The following NPR2 variants were observed in gnomAD, a reference collection of about 807,000 sequenced individuals.
NPR2 encodes the protein atrial natriuretic peptide receptor 2.
A neutral mutation model predicts 120.7 loss-of-function variants in NPR2; 49 were observed. The observed-to-expected ratio is 0.41, with a 90% CI of 0.32 to 0.52. The LOEUF (loss-of-function observed/expected upper bound fraction) is 0.52. Among genes scored for constraint, NPR2 ranks in the 20% least tolerant of loss-of-function variants. The probability of loss-of-function intolerance (pLI) is 0.36; values close to 1 mark genes in which losing one functional copy is unlikely to be tolerated. For missense variants in NPR2, 931 were observed against 1,362.9 expected (o/e 0.68, Z 4.99); for synonymous variants, 484 against 519.8 (o/e 0.93, Z 0.94).
chr9:35,799,948 A>G (rs1828081879), intron 3 of NPR2, 74 bp from the exon 4 acceptor site: 1 of 1,601,294 alleles, frequency 6.2e-7, no homozygotes, highest in African/African-American at 1.3e-5. Context: ...GAATAGGTAG[A>G]AGGGAGACCC....
rs5818 is a variant in NPR2, at chr9:35,809,238, G to A, written c.3069G>A (p.Val1023=). The A allele has an allele frequency of 6.2e-7, 1 of 1,613,962 alleles. No individual in the cohort carries two copies. Among genetic ancestry groups the A allele is most frequent in the Non-Finnish European group, 8.5e-7 (1 of 1,179,960 alleles). ...GCFQLELRGD[V]EMKGKGKMRT... ...TCCAGCTAGAGCTTCGGGGGGATGT[G>A]GAAATGAAGGTGATGGCAGGCCATG... Residue 1023 remains valine (V), a synonymous_variant, in exon 21 of 22, where the codon GTG becomes GTA. Transcript: ENST00000342694. This position sits in a 1 kb window ranked among gnomAD's most constrained non-coding sequence, Gnocchi z 4.1.
At position 35,793,892 on chromosome 9, in the gene NPR2, T is replaced by A; in HGVS notation, c.668-6T>A. The A allele has an allele frequency of 6.2e-7, 1 of 1,614,160 alleles. No homozygotes were observed. Among genetic ancestry groups the A allele is most frequent in the Non-Finnish European group, 8.5e-7 (1 of 1,180,000 alleles). ...GGGTGCTCCTCTGTCATGTACCTGC[T>A]CCCAGTTGTGTATATCTGCGGCCCT... On this transcript the variant is annotated splice_region_variant and splice_polypyrimidine_tract_variant and intron_variant, in intron 1 of 21. Transcript: ENST00000342694.
rs1341542355 is a variant in NPR2 at position 35,791,614 on chromosome 9, G to T, written c.-795G>T. Among the ~76,000 whole-genome samples the T allele has an allele frequency of 2.6e-4, 37 of 143,298 alleles. No individual in the cohort carries two copies. Among genetic ancestry groups the T allele is most frequent in the Admixed American group, 1.3e-3 (19 of 14,612 alleles). The allele number at this position is 143,298 out of a possible 152,430, so 94.0% of individuals were successfully genotyped here. ...GGGGGAGTCGCACTCGGCCGCCGGCGCAGCGAGCGGAGACGGGCCGGGCCG... is the reference window on the plus strand; with the variant it reads ...GGGGGAGTCGCACTCGGCCGCCGGCTCAGCGAGCGGAGACGGGCCGGGCCG... On this transcript the variant is annotated 5_prime_UTR_variant, in exon 1 of 22. Transcript: ENST00000342694.
At position 35,808,227 on chromosome 9, in the gene NPR2, G is replaced by T. The variant is rs1157680251; in HGVS notation, c.2713-282G>T. On this transcript the variant is annotated intron_variant, in intron 18 of 21. Transcript: ENST00000342694. The surrounding 1 kb of genome is among the most constrained non-coding windows in gnomAD (Gnocchi z 4.0). ...TTTTCTTGCTTCCCATTTCCTGATGGCAGAGCCTATTTGTCCATGTCCTGC... is the reference window on the plus strand; with the variant it reads ...TTTTCTTGCTTCCCATTTCCTGATGTCAGAGCCTATTTGTCCATGTCCTGC... The T allele has an allele frequency of 1.2e-6, 2 of 1,614,016 alleles. No homozygotes were observed. The highest frequency in any genetic ancestry group is 2.7e-5 in the African/African-American group (2 of 74,906).
chr9:35,809,281 A>AGGG lies in NPR2; in HGVS notation c.3078+35_3078+37dup, dbSNP rs752500692. The AGGG allele has an allele frequency of 1.2e-6, 2 of 1,611,152 alleles. No individual in the cohort carries two copies. The highest frequency in any genetic ancestry group is 4.5e-5 in the East Asian group (2 of 44,884). On this transcript the variant is annotated intron_variant, in intron 21 of 21. Coordinates refer to ENST00000342694, the MANE Select transcript of NPR2 (RefSeq NM_003995.4). This position sits in a 1 kb window ranked among gnomAD's most constrained non-coding sequence, Gnocchi z 4.1. ...AGGCCATGGGGAGGGGGGCATGGAA[A>AGGG]GGGAGGGTGAAAGTGATTATGGGAA... is the stretch of plus-strand genomic sequence containing the variant.
Position 35,808,875 on chromosome 9 carries a change from C to A in NPR2, c.2986+22C>A. On this transcript the variant is annotated intron_variant, in intron 20 of 21. Coordinates refer to ENST00000342694, the MANE Select transcript of NPR2 (RefSeq NM_003995.4). This position sits in a 1 kb window ranked among gnomAD's most constrained non-coding sequence, Gnocchi z 4.0. Reference sequence around the variant, plus strand: ...CAAGGTAAGACATTAGCCCTCAACCCCACTGTTGGCCTCAATTTATCTTGC... The same window carrying A: ...CAAGGTAAGACATTAGCCCTCAACCACACTGTTGGCCTCAATTTATCTTGC... 1 of 1,344,414 alleles carries A rather than the reference C, an allele frequency of 7.4e-7. No homozygotes were observed. The highest frequency in any genetic ancestry group is 1.1e-6 in the Non-Finnish European group (1 of 933,644). The allele number at this position is 1,344,414 out of a possible 1,614,324, so 83.3% of individuals were successfully genotyped here. A position where few individuals can be genotyped will look rare whatever the true frequency, so the allele number is the denominator to read the frequency against.
rs758997503 is a variant in NPR2 at position 35,794,034 on chromosome 9, T to C, written c.804T>C (p.Arg268=). The change falls in exon 2 of 22, where the codon CGT becomes CGC. Residue 268 remains arginine (R), a synonymous_variant. Transcript: ENST00000342694. The part of the protein sequence containing the change: ...FGESLRAGPT[R]ATGRPWQDNR... The stretch of plus-strand genomic sequence containing the variant: ...AGAGTCTCCGTGCAGGCCCCACACG[T>C]GCTACAGGCCGGCCCTGGCAGGACA... 4 of 1,614,184 alleles carry C rather than the reference T, an allele frequency of 2.5e-6. No homozygotes were observed. The Admixed American group carries it at 6.7e-5, about 27-fold the overall frequency.
intron 18 of NPR2, 133 bp downstream of exon 18, chr9:35,807,531 G>C: frequency 1.3e-6 from 1 of 781,640 alleles, no homozygotes; most frequent in East Asian, 2.4e-5. Flanking sequence ...GCATCCTGGT[G>C]CTGGAGTGTA....
rs1415553956 is a variant in NPR2, at chr9:35,805,835, C to T, written c.2053C>T (p.Leu685=). ...DDSHALYAKK[L]WTAPELLSGN... The stretch of plus-strand genomic sequence containing the variant: ...AGCCGGTTTCCTCTTTTCAGAGAAG[C>T]TGTGGACTGCCCCAGAACTGCTCAG... The change falls in exon 14 of 22, where the codon CTG becomes TTG. Residue 685 remains leucine, a synonymous_variant. Coordinates refer to ENST00000342694, the MANE Select transcript of NPR2 (RefSeq NM_003995.4). This position sits in a 1 kb window ranked among gnomAD's most constrained non-coding sequence, Gnocchi z 4.9. 1 of 1,614,134 alleles carries T rather than the reference C, an allele frequency of 6.2e-7. No individual in the cohort carries two copies. Among genetic ancestry groups the T allele is most frequent in the East Asian group, 2.2e-5 (1 of 44,888 alleles).
intron 12 of NPR2, among the ~76,000 whole-genome samples, chr9:35,803,817 T>C (rs538079674): frequency 6.6e-6 from 1 of 152,248 alleles, no homozygotes; most frequent in East Asian, 1.9e-4. Context: ...AAGTATTTTT[T>C]TGTGTGTGAA....
In NPR2 at chr9:35,806,231, C is replaced by T; in HGVS notation, c.2370C>T (p.Asn790=). The T allele has an allele frequency of 6.2e-7, 1 of 1,614,138 alleles. No individual in the cohort carries two copies. The highest frequency in any genetic ancestry group is 8.5e-7 in the Non-Finnish European group (1 of 1,180,038). Residue 790 remains asparagine, a splice_region_variant and synonymous_variant, in exon 15 of 22, where the codon AAC becomes AAT. Coordinates refer to ENST00000342694, the MANE Select transcript of NPR2 (RefSeq NM_003995.4). This position sits in a 1 kb window ranked among gnomAD's most constrained non-coding sequence, Gnocchi z 4.6. ...GQIKGFIRRF[N]KEGGTSILDN... is the part of the protein sequence containing the mutation. The stretch of plus-strand genomic sequence containing the variant: ...TTAAGGGCTTCATTCGGCGCTTTAA[C>T]AAGTGAGAGGGCATTATGGGGCAGG...
Position 35,802,417 on chromosome 9 carries a change from A to T in NPR2, c.1711-86A>T. ...AAAATCGTAGATACAACTAAGAGAAAGGTCCTCTTATGTAGTGGTAAGTTT... is the reference window on the plus strand; with the variant it reads ...AAAATCGTAGATACAACTAAGAGAATGGTCCTCTTATGTAGTGGTAAGTTT... On this transcript the variant is annotated intron_variant, in intron 10 of 21. Coordinates refer to ENST00000342694, the MANE Select transcript of NPR2 (RefSeq NM_003995.4). The surrounding 1 kb of genome is among the most constrained non-coding windows in gnomAD (Gnocchi z 4.2). 3 of 948,446 alleles carry T rather than the reference A, an allele frequency of 3.2e-6. No homozygotes were observed. The highest frequency in any genetic ancestry group is 5.2e-6 in the Non-Finnish European group (3 of 574,204). 58.8% of individuals were successfully genotyped at this position (948,446 alleles called of 1,614,324 possible).
In NPR2 at chr9:35,792,549, CGCTGTGGCACTA is replaced by C; in HGVS notation, c.149_160del (p.Ala50_Val53del). On this transcript the variant is annotated inframe_deletion, in exon 1 of 22. Transcript: ENST00000342694. ...CCTGGGCCTGGCCACGGGTGGGACC[CGCTGTGGCACTA>C]GCTGTGGAGGCTCTGGGCCGGGCAC... is the stretch of plus-strand genomic sequence containing the variant. 6.2e-7 allele frequency: 1 copy of C among 1,611,822 alleles called. No homozygotes were observed. The highest frequency in any genetic ancestry group is 8.5e-7 in the Non-Finnish European group (1 of 1,179,950).
rs761205421 is a variant in NPR2 at position 35,800,063 on chromosome 9, A to C, written c.1029A>C (p.Leu343=). 1.2e-6 allele frequency: 2 copies of C among 1,614,172 alleles called. No homozygotes were observed. Among genetic ancestry groups the C allele is most frequent in the Admixed American group, 1.7e-5 (1 of 60,026 alleles). The change falls in exon 4 of 22, where the codon CTA becomes CTC. Residue 343 remains leucine, a synonymous_variant. Coordinates refer to ENST00000342694, the MANE Select transcript of NPR2 (RefSeq NM_003995.4). This position sits in a 1 kb window ranked among gnomAD's most constrained non-coding sequence, Gnocchi z 4.7. Reference sequence around the variant, plus strand: ...GCTGCTTCTATGATGGGATCCTGCTATATGCTGAAGTCCTGAATGAGACAA... The same window carrying C: ...GCTGCTTCTATGATGGGATCCTGCTCTATGCTGAAGTCCTGAATGAGACAA... ...IAGCFYDGIL[L]YAEVLNETIQ...
chr9:35,796,100 G>T (rs1387213752), intron 2 of NPR2, among the ~76,000 whole-genome samples: 1 of 152,242 alleles, frequency 6.6e-6, no homozygotes, highest in Non-Finnish European at 1.5e-5. Flanking sequence ...GTTATGAAAA[G>T]AGAAGAACAA....
rs1215931821 is a variant in NPR2 at position 35,809,067 on chromosome 9, G to A, written c.2987-89G>A. ...GGGAGCTTCCCAGGGATGGTTGGTC[G>A]GGCACGGTGCTATACAGTATCACCA... On this transcript the variant is annotated intron_variant, in intron 20 of 21. Transcript: ENST00000342694. The surrounding 1 kb of genome is among the most constrained non-coding windows in gnomAD (Gnocchi z 4.1). The A allele has an allele frequency of 7.0e-6, 9 of 1,280,900 alleles. No homozygotes were observed. The East Asian group carries it at 9.2e-5, about 13-fold the overall frequency. 79.3% of individuals were successfully genotyped at this position (1,280,900 alleles called of 1,614,324 possible). A position where few individuals can be genotyped will look rare whatever the true frequency, so the allele number is the denominator to read the frequency against.
chr9:35,793,115 G>A (rs774329158), intron 1 of NPR2, 40 bp downstream of exon 1: 66 of 1,543,312 alleles, frequency 4.3e-5, no homozygotes, highest in Non-Finnish European at 5.5e-5. Context: ...ATGGGAGGAG[G>A]GTCGCTGTGT....
Position 35,805,540 on chromosome 9 carries a change from T to G in NPR2, c.1917T>G (p.Ile639Met). ...TGGCCTTTCTCCACAACAGCATTAT[T>G]TCATCGCATGGGAGTCTCAAGTCCT... ...KGMAFLHNSI[I>M]SSHGSLKSSN... Residue 639 changes from isoleucine to methionine, a missense_variant, in exon 13 of 22, where the codon ATT becomes ATG. By Grantham distance (10) the Ile-to-Met change is conservative. This residue lies in a region of NPR2 where 681 missense variants were observed against 974.3 expected (regional missense o/e 0.70). Transcript: ENST00000342694. The surrounding 1 kb of genome is among the most constrained non-coding windows in gnomAD (Gnocchi z 4.9). 1 of 1,614,208 alleles carries G rather than the reference T, an allele frequency of 6.2e-7. No individual in the cohort carries two copies. The highest frequency in any genetic ancestry group is 1.3e-5 in the African/African-American group (1 of 75,050).
Position 35,805,422 on chromosome 9 carries a change from GT to G in NPR2, c.1888-88del. 2 of 1,337,214 alleles carry G rather than the reference GT, an allele frequency of 1.5e-6. No homozygotes were observed. Among genetic ancestry groups the G allele is most frequent in the Non-Finnish European group, 2.2e-6 (2 of 929,158 alleles). The allele number at this position is 1,337,214 out of a possible 1,614,324, so 82.8% of individuals were successfully genotyped here. Reference sequence around the variant, plus strand: ...TATTATTTTTGTGGACCCAAGATCTGTAGACAGCTAGCCAGTGCCCATCTCA... The same window carrying G: ...TATTATTTTTGTGGACCCAAGATCTGAGACAGCTAGCCAGTGCCCATCTCA... On this transcript the variant is annotated intron_variant, in intron 12 of 21. Coordinates refer to ENST00000342694, the MANE Select transcript of NPR2 (RefSeq NM_003995.4). This position sits in a 1 kb window ranked among gnomAD's most constrained non-coding sequence, Gnocchi z 4.9.
Sources: allele counts gnomAD v4.1 joint callset (sites outside exome capture counted in the v4.1 genomes callset), GRCh38; gene constraint gnomAD v4.1.1; regional missense constraint gnomAD v4.1.1; non-coding constraint Gnocchi (gnomAD v3.1); transcripts MANE v1.5; gene names NCBI Gene and HGNC (gene_info 2026-07-23, HGNC 2026-07-21).